Variants in PPM1L observed in about 807,000 individuals in gnomAD.
PPM1L encodes the protein protein phosphatase, Mg2+/Mn2+ dependent 1L.
A neutral mutation model predicts 31.4 loss-of-function variants in PPM1L; 13 were observed. The ratio of observed to expected loss-of-function variants is 0.41; its 90% confidence interval spans 0.27 to 0.66. The LOEUF (loss-of-function observed/expected upper bound fraction) is 0.66. Among genes scored for constraint, PPM1L ranks in the 30% least tolerant of loss-of-function variants. The pLI, the probability that PPM1L is intolerant of heterozygous loss-of-function variation, is 0.29. For synonymous variants in PPM1L, 184 were observed against 175.4 expected (o/e 1.05, Z -0.39); for missense variants, 326 against 453.7 (o/e 0.72, Z 2.56).
At chr3:161,036,656 A>C (rs1299800999) in intron 2 of PPM1L, among the ~76,000 whole-genome samples, 1 of 152,204 alleles carries the variant, frequency 6.6e-6, no homozygotes, top group Admixed American at 6.5e-5. Flanking sequence ...AACATAGTGC[A>C]TATTCCTTCA....
At chr3:160,926,163 T>G (rs1714579690) in intron 1 of PPM1L, among the ~76,000 whole-genome samples, 1 of 152,184 alleles carries the variant, frequency 6.6e-6, no homozygotes, top group Non-Finnish European at 1.5e-5. Context: ...CCTTTGCCCC[T>G]TTCCTCTAGC....
intron 1 of PPM1L, among the ~76,000 whole-genome samples, chr3:160,785,705 C>T (rs986265559): frequency 3.9e-5 from 6 of 152,164 alleles, no homozygotes; most frequent in South Asian, 2.1e-4. Context: ...CTTTTACTGG[C>T]TGCTCAGTAT....
chr3:160,825,564 G>A (rs2108093834), intron 1 of PPM1L, among the ~76,000 whole-genome samples: 1 of 152,252 alleles, frequency 6.6e-6, no homozygotes, highest in South Asian at 2.1e-4. Flanking sequence ...AGTGGAACAG[G>A]TTACAGATGT....
chr3:160,879,631 T>C (rs540363644), intron 1 of PPM1L, among the ~76,000 whole-genome samples: 34 of 152,326 alleles, frequency 2.2e-4, no homozygotes, highest in East Asian at 3.9e-4. Context: ...GGGTGACATA[T>C]GGTTAAAAGC....
At chr3:160,772,420 T>TC (rs1314693144) in intron 1 of PPM1L, among the ~76,000 whole-genome samples, 1 of 152,192 alleles carries the variant, frequency 6.6e-6, no homozygotes, top group Non-Finnish European at 1.5e-5. Flanking sequence ...TGGCTGGTGT[T>TC]CCTCCTTTAG....
intron 2 of PPM1L, among the ~76,000 whole-genome samples, chr3:161,001,529 C>G (rs1030885543): frequency 3.3e-5 from 5 of 152,114 alleles, no homozygotes; most frequent in Admixed American, 1.3e-4. Flanking sequence ...AATTCGCCCC[C>G]CAAAGTGCTG....
At chr3:160,873,190 A>G (rs754845165) in intron 1 of PPM1L, among the ~76,000 whole-genome samples, 2 of 152,194 alleles carry the variant, frequency 1.3e-5, no homozygotes, top group Non-Finnish European at 2.9e-5. Context: ...TAAGGCAAAG[A>G]GAGTCTTTCT....
At chr3:160,814,168 C>T (rs1054895350) in intron 1 of PPM1L, among the ~76,000 whole-genome samples, 2 of 152,138 alleles carry the variant, frequency 1.3e-5, no homozygotes, top group African/African-American at 4.8e-5. Context: ...TCCCACCTAA[C>T]ATCTCATTTC....
At chr3:161,046,003 C>T (rs112309616) in intron 2 of PPM1L, among the ~76,000 whole-genome samples, 16 of 145,212 alleles carry the variant, frequency 1.1e-4, no homozygotes, top group African/African-American at 2.8e-4. Context: ...CCCAGCTACT[C>T]GGGAGGCTGA....
intron 1 of PPM1L, among the ~76,000 whole-genome samples, chr3:160,814,517 A>G (rs1259037900): frequency 8.5e-6 from 1 of 117,480 alleles, no homozygotes; most frequent in South Asian, 2.9e-4. Context: ...GTGTATATAT[A>G]TACACACACA....
intron 2 of PPM1L, among the ~76,000 whole-genome samples, chr3:160,992,671 G>A (rs1325875842): frequency 6.6e-6 from 1 of 152,164 alleles, no homozygotes; most frequent in East Asian, 1.9e-4. Context: ...TATCCTTGGA[G>A]CCATAGAAGA....
At position 160,756,281 on chromosome 3, in the gene PPM1L, G is replaced by A; in HGVS notation, c.-28G>A. ...CGAGCCTTCGGGGCGCGCGTCGCTGGTGGTGGTTGAGGCTCTAGCGATAAT... is the reference window on the plus strand; with the variant it reads ...CGAGCCTTCGGGGCGCGCGTCGCTGATGGTGGTTGAGGCTCTAGCGATAAT... On this transcript the variant is annotated 5_prime_UTR_variant, in exon 1 of 4. In the 5' UTR this introduces an upstream ATG that the reference lacks. Transcript: ENST00000498165. This position sits in a 1 kb window ranked among gnomAD's most constrained non-coding sequence, Gnocchi z 6.2. 1 of 1,580,062 alleles carries A rather than the reference G, an allele frequency of 6.3e-7. No homozygotes were observed. Among genetic ancestry groups the A allele is most frequent in the Non-Finnish European group, 8.6e-7 (1 of 1,159,750 alleles).
chr3:160,954,335 T>C (rs1005844980), intron 1 of PPM1L, among the ~76,000 whole-genome samples: 36 of 152,294 alleles, frequency 2.4e-4, no homozygotes, highest in East Asian at 7.7e-4. Context: ...CTTTTTTTTT[T>C]CCTCACACAT....
At chr3:161,022,052 A>G in intron 2 of PPM1L, 1 of 509,430 alleles carries the variant, frequency 2.0e-6, no homozygotes, top group Non-Finnish European at 3.5e-6. Context: ...TTTGTTTTTT[A>G]TATGTCTTAT....
intron 1 of PPM1L, among the ~76,000 whole-genome samples, chr3:160,777,592 T>A (rs973659975): frequency 6.6e-6 from 1 of 152,192 alleles, no homozygotes; most frequent in Non-Finnish European, 1.5e-5. Flanking sequence ...TACTACTGCA[T>A]ATAAGTGGAA....
chr3:160,930,968 G>C (rs1362668108), intron 1 of PPM1L, among the ~76,000 whole-genome samples: 1 of 152,070 alleles, frequency 6.6e-6, no homozygotes, highest in African/African-American at 2.4e-5. Context: ...GGAAAGAGAG[G>C]GAAACAGTGA....
At chr3:160,978,923 AG>A (rs1360808148) in intron 2 of PPM1L, among the ~76,000 whole-genome samples, 1 of 152,048 alleles carries the variant, frequency 6.6e-6, no homozygotes, top group East Asian at 1.9e-4. Context: ...TGTATTGGAC[AG>A]GAAAATGCAT....
chr3:160,994,723 G>A (rs777907269), intron 2 of PPM1L, among the ~76,000 whole-genome samples: 31 of 152,208 alleles, frequency 2.0e-4, no homozygotes, highest in Non-Finnish European at 2.8e-4. Context: ...GTCATCATGA[G>A]ATTTCAGTGT....
chr3:160,957,125 G>A (rs375908402), intron 1 of PPM1L, among the ~76,000 whole-genome samples: 3 of 152,186 alleles, frequency 2.0e-5, no homozygotes, highest in Admixed American at 1.3e-4. Context: ...AGATATGAAG[G>A]ATTGACTAAA....
Sources: allele counts gnomAD v4.1 joint callset (sites outside exome capture counted in the v4.1 genomes callset), GRCh38; gene constraint gnomAD v4.1.1; non-coding constraint Gnocchi (gnomAD v3.1); transcripts MANE v1.5; gene names NCBI Gene and HGNC (gene_info 2026-07-23, HGNC 2026-07-21).